The following CDO1 variants were observed in gnomAD, a reference collection of about 807,000 sequenced individuals.
CDO1 encodes cysteine dioxygenase type 1.
Under a neutral mutation model 24.5 loss-of-function variants are expected in CDO1, and 19 were observed. The observed-to-expected ratio is 0.77, with a 90% CI of 0.54 to 1.14. The LOEUF is 1.14. CDO1 is among the 50% of genes most tolerant of loss of function. The pLI is 0.00. For missense variants in CDO1, 244 were observed against 244.8 expected (o/e 1.00, Z 0.02); for synonymous variants, 91 against 87.0 (o/e 1.05, Z -0.26).
At position 115,816,612 on chromosome 5, in the gene CDO1, C is replaced by T. The variant is rs1760467634; in HGVS notation, c.-215G>A. On this transcript the variant is annotated 5_prime_UTR_variant, in exon 1 of 5. Coordinates refer to ENST00000250535, the MANE Select transcript of CDO1 (RefSeq NM_001801.3). ...CAGGCCCCTGGCAGCGCAGTGGATCCGGGATCGCTGGAGACGCGGTGCACA... is the reference window on the plus strand; with the variant it reads ...CAGGCCCCTGGCAGCGCAGTGGATCTGGGATCGCTGGAGACGCGGTGCACA... The T allele has an allele frequency of 1.7e-6, 1 of 574,726 alleles. No individual in the cohort carries two copies. The highest frequency in any genetic ancestry group is 3.1e-6 in the Non-Finnish European group (1 of 321,852). 35.6% of individuals were successfully genotyped at this position (574,726 alleles called of 1,614,324 possible).
At chr5:115,810,552 A>G (rs1580540785) in intron 3 of CDO1, among the ~76,000 whole-genome samples, 2 of 152,194 alleles carry the variant, frequency 1.3e-5, no homozygotes, top group East Asian at 1.9e-4. Flanking sequence ...AAAACTATCT[A>G]TCTGTCTCAT....
Position 115,804,905 on chromosome 5 carries a change from G to C in CDO1, c.*528C>G, listed in dbSNP as rs1299800625. ...TTTCATTAACAAATGGCAGAGTGCCGTAAGTTCCTCTATTATTCATAGAAA... is the reference window on the plus strand; with the variant it reads ...TTTCATTAACAAATGGCAGAGTGCCCTAAGTTCCTCTATTATTCATAGAAA... On this transcript the variant is annotated 3_prime_UTR_variant, in exon 5 of 5. Coordinates refer to ENST00000250535, the MANE Select transcript of CDO1 (RefSeq NM_001801.3). 1 of 152,274 alleles carries C rather than the reference G, an allele frequency of 6.6e-6. No individual in the cohort carries two copies. The highest frequency in any genetic ancestry group is 2.1e-4 in the South Asian group (1 of 4,822). The allele number at this position is 152,274 out of a possible 1,614,324, so 9.4% of individuals were successfully genotyped here. A position where few individuals can be genotyped will look rare whatever the true frequency, so the allele number is the denominator to read the frequency against.
chr5:115,816,360 G>A lies in CDO1; in HGVS notation c.38C>T (p.Ala13Val), dbSNP rs750075918. 3 of 1,613,882 alleles carry A rather than the reference G, an allele frequency of 1.9e-6. No individual in the cohort carries two copies. In the South Asian group the frequency reaches 3.3e-5, roughly 18 times the overall value. ...CTGGTGCAGGATGCGGATCAGATCA[G>A]CCAGGGTCCGTGGCTTCAGCACTTC... is the stretch of plus-strand genomic sequence containing the variant. The part of the protein sequence containing the change: ...QTEVLKPRTL[A>V]DLIRILHQLF... Residue 13 changes from alanine to valine, a missense_variant, in exon 1 of 5, where the codon GCT becomes GTT. Transcript: ENST00000250535.
At chr5:115,808,169 G>A (rs1330646323) in intron 3 of CDO1, among the ~76,000 whole-genome samples, 1 of 151,970 alleles carries the variant, frequency 6.6e-6, no homozygotes, top group Non-Finnish European at 1.5e-5. Context: ...GGTAGAGATG[G>A]GGTTTCAACA....
At chr5:115,811,392 C>T in intron 2 of CDO1, 77 bp from the exon 3 acceptor site, 1 of 1,028,648 alleles carries the variant, frequency 9.7e-7, no homozygotes, top group African/African-American at 1.6e-5. Flanking sequence ...CTTCCCAGAA[C>T]TGACACCTGC....
chr5:115,813,245 G>C lies in CDO1; in HGVS notation c.184C>G (p.Leu62Val), dbSNP rs1184045392. The C allele has an allele frequency of 1.3e-6, 2 of 1,586,320 alleles. No individual in the cohort carries two copies. Among genetic ancestry groups the C allele is most frequent in the South Asian group, 2.2e-5 (2 of 90,308 alleles). ...KFDQYRYTRN[L>V]VDQGNGKFNL... is the part of the protein sequence containing the mutation. ...AATTTTCCATTTCCTTGATCCACAA[G>C]ATTTCGGGTATACCTAAAAAAAAAC... is the stretch of plus-strand genomic sequence containing the variant. Residue 62 changes from leucine (L) to valine (V), a missense_variant, in exon 2 of 5, where the codon CTT becomes GTT. Transcript: ENST00000250535.
rs1158792343 is a variant in CDO1, at chr5:115,811,374, G to GT, written c.249-60dup. On this transcript the variant is annotated intron_variant, in intron 2 of 4. Coordinates refer to ENST00000250535, the MANE Select transcript of CDO1 (RefSeq NM_001801.3). ...AGATGGTCTAGTATCCAGACCTGCA[G>GT]TAACAGTCTTCCCAGAACTGACACC... is the stretch of plus-strand genomic sequence containing the variant. The GT allele has an allele frequency of 5.4e-6, 7 of 1,301,570 alleles. No homozygotes were observed. In the African/African-American group the frequency reaches 1.0e-4, roughly 19 times the overall value. 80.6% of individuals were successfully genotyped at this position (1,301,570 alleles called of 1,614,324 possible).
Position 115,804,846 on chromosome 5 carries a change from G to C in CDO1, c.*587C>G, listed in dbSNP as rs1039054313. Reference sequence around the variant, plus strand: ...TATGTTTTGGTTTGTTGTGGTCTGGGGATCATGTACTTTTCTAAATCCTCT... The same window carrying C: ...TATGTTTTGGTTTGTTGTGGTCTGGCGATCATGTACTTTTCTAAATCCTCT... On this transcript the variant is annotated 3_prime_UTR_variant, in exon 5 of 5. Coordinates refer to ENST00000250535, the MANE Select transcript of CDO1 (RefSeq NM_001801.3). 2 of 152,030 alleles carry C rather than the reference G, an allele frequency of 1.3e-5. No homozygotes were observed. The highest frequency in any genetic ancestry group is 4.8e-5 in the African/African-American group (2 of 41,382). The allele number at this position is 152,030 out of a possible 1,614,324, so 9.4% of individuals were successfully genotyped here.
intron 3 of CDO1, among the ~76,000 whole-genome samples, chr5:115,806,884 T>C (rs1343873359): frequency 6.6e-6 from 1 of 152,248 alleles, no homozygotes; most frequent in Non-Finnish European, 1.5e-5. Flanking sequence ...ACCTGATTTA[T>C]ATCTTGAAAC....
chr5:115,808,529 AT>A (rs1219594164), intron 3 of CDO1, among the ~76,000 whole-genome samples: 2 of 152,144 alleles, frequency 1.3e-5, no homozygotes, highest in East Asian at 3.9e-4. Flanking sequence ...ATGAAAAAAA[AT>A]CATGAGATCA....
chr5:115,810,874 G>C (rs1405393478), intron 3 of CDO1, among the ~76,000 whole-genome samples: 1 of 152,162 alleles, frequency 6.6e-6, no homozygotes, highest in African/African-American at 2.4e-5. Flanking sequence ...TTTGTTGAAA[G>C]ACTCCACTGA....
At chr5:115,809,218 T>C (rs189079726) in intron 3 of CDO1, among the ~76,000 whole-genome samples, 3 of 152,310 alleles carry the variant, frequency 2.0e-5, no homozygotes, top group African/African-American at 7.2e-5. Context: ...GAAGCTCCTA[T>C]TAATAATCCA....
intron 1 of CDO1, 96 bp downstream of exon 1, chr5:115,816,132 C>T: frequency 8.2e-7 from 1 of 1,216,656 alleles, no homozygotes; most frequent in South Asian, 1.4e-5. Context: ...GCCCGAGCTT[C>T]CCGAGCCAGT....
At chr5:115,811,359 G>GACCATC in intron 2 of CDO1, 44 bp from the exon 3 acceptor site, 1 of 1,491,178 alleles carries the variant, frequency 6.7e-7, no homozygotes, top group Non-Finnish European at 9.3e-7. Flanking sequence ...AGATGGTCTA[G>GACCATC]TATCCAGACC....
chr5:115,805,315 A>C lies in CDO1; in HGVS notation c.*118T>G. 1.2e-6 allele frequency: 1 copy of C among 817,024 alleles called. No individual in the cohort carries two copies. The highest frequency in any genetic ancestry group is 2.0e-6 in the Non-Finnish European group (1 of 497,782). The allele number at this position is 817,024 out of a possible 1,614,324, so 50.6% of individuals were successfully genotyped here. Reference sequence around the variant, plus strand: ...TTATAATTAGCATCTGCCTTACAGTAGATCTAAGTATTGGCTTATTTAAGT... The same window carrying C: ...TTATAATTAGCATCTGCCTTACAGTCGATCTAAGTATTGGCTTATTTAAGT... On this transcript the variant is annotated 3_prime_UTR_variant, in exon 5 of 5. Coordinates refer to ENST00000250535, the MANE Select transcript of CDO1 (RefSeq NM_001801.3).
rs557643719 is a variant in CDO1 at position 115,816,473 on chromosome 5, G to T, written c.-76C>A. On this transcript the variant is annotated 5_prime_UTR_variant, in exon 1 of 5. Transcript: ENST00000250535. ...GAGCTGAGCGAGCCAAGGAGCTGGG[G>T]GCGAGGGAGCCTAACAGCCCGCTAG... 1.3e-6 allele frequency: 2 copies of T among 1,538,528 alleles called. No homozygotes were observed. The highest frequency in any genetic ancestry group is 2.3e-5 in the South Asian group (2 of 86,456).
chr5:115,811,698 A>C (rs1413182155), intron 2 of CDO1, among the ~76,000 whole-genome samples: 1 of 152,240 alleles, frequency 6.6e-6, no homozygotes, highest in African/African-American at 2.4e-5. Context: ...GAGAAATTTT[A>C]GAAAGGATTA....
In CDO1 at chr5:115,813,510, A is replaced by G. The variant is rs185078043; in HGVS notation, c.171-252T>C. 2.7e-4 allele frequency among the ~76,000 whole-genome samples: 41 copies of G among 152,362 alleles called. 1 individual carries two copies. In the East Asian group the frequency reaches 7.9e-3, roughly 29 times the overall value. On this transcript the variant is annotated intron_variant, in intron 1 of 4. Transcript: ENST00000250535. ...AATGGCACGGGAAAAATAACAGGAA[A>G]AAAACCGAAATTGCATGTTTCTCAA...
Position 115,804,782 on chromosome 5 carries a change from A to C in CDO1, c.*651T>G, listed in dbSNP as rs1268853155. ...AATTATTTGGTAATTTTAGCAGTAC[A>C]AAATCTTTGACTATGACCATGGGAC... On this transcript the variant is annotated 3_prime_UTR_variant, in exon 5 of 5. Coordinates refer to ENST00000250535, the MANE Select transcript of CDO1 (RefSeq NM_001801.3). 1 of 152,182 alleles carries C rather than the reference A, an allele frequency of 6.6e-6. No individual in the cohort carries two copies. Among genetic ancestry groups the C allele is most frequent in the Non-Finnish European group, 1.5e-5 (1 of 68,014 alleles). The allele number at this position is 152,182 out of a possible 1,614,324, so 9.4% of individuals were successfully genotyped here.
Sources: allele counts gnomAD v4.1 joint callset (sites outside exome capture counted in the v4.1 genomes callset), GRCh38; gene constraint gnomAD v4.1.1; transcripts MANE v1.5; gene names NCBI Gene and HGNC (gene_info 2026-07-23, HGNC 2026-07-21).